UNC13C: variants seen among roughly 807,000 people sequenced by gnomAD.
UNC13C encodes protein unc-13 homolog C.
A neutral mutation model predicts 245.4 loss-of-function variants in UNC13C; 174 were observed. That is an observed-to-expected ratio of 0.71 (90% CI 0.63 to 0.80). The LOEUF (loss-of-function observed/expected upper bound fraction) is 0.80, where lower values mean the gene tolerates loss of function less well. Among genes scored for constraint, UNC13C ranks in the 30% least tolerant of loss-of-function variants. The probability of loss-of-function intolerance (pLI) is 0.00; values close to 1 mark genes in which losing one functional copy is unlikely to be tolerated. For synonymous variants in UNC13C, 992 were observed against 895.1 expected, an observed-to-expected ratio of 1.11 and a Z score of -1.93; for missense variants, 2,829 against 2,602.9, an observed-to-expected ratio of 1.09 and a Z score of -1.89.
At chr15:53,946,668 C>A in the UNC13C span, among the ~76,000 whole-genome samples, 1,677 of 124,622 alleles carry the variant, frequency 0.013, 34 homozygotes, top group African/African-American at 0.049. Context: ...TTGCAGTGAG[C>A]TGAGGTTTTT....
chr15:54,474,412 G>A (rs1480491487), intron 19 of UNC13C, among the ~76,000 whole-genome samples: 1 of 151,582 alleles, frequency 6.6e-6, no homozygotes, highest in East Asian at 1.9e-4. Flanking sequence ...GATTTGCATT[G>A]CCTTGATGAT....
At chr15:54,505,781 C>T (rs1263750357) in intron 22 of UNC13C, among the ~76,000 whole-genome samples, 1 of 133,810 alleles carries the variant, frequency 7.5e-6, no homozygotes, top group Non-Finnish European at 1.5e-5. Flanking sequence ...CTCGCTCTGT[C>T]GCCCAGGCTG....
the UNC13C span, among the ~76,000 whole-genome samples, chr15:53,855,992 T>G: frequency 1.3e-5 from 2 of 152,202 alleles, no homozygotes; most frequent in East Asian, 3.9e-4. Flanking sequence ...CATTCAGGAA[T>G]GCAATTTCTT....
intron 19 of UNC13C, among the ~76,000 whole-genome samples, chr15:54,493,083 C>A (rs1224139911): frequency 6.6e-6 from 1 of 152,148 alleles, no homozygotes; most frequent in Non-Finnish European, 1.5e-5. Context: ...ATTCATCAGT[C>A]CCCGAGCGAA....
At chr15:54,483,925 AC>A (rs974577607) in intron 19 of UNC13C, among the ~76,000 whole-genome samples, 5 of 148,610 alleles carry the variant, frequency 3.4e-5, no homozygotes, top group African/African-American at 1.2e-4. Context: ...TATTCACGGA[AC>A]ATACACAAAC....
At chr15:54,251,283 T>G (rs1421912048) in intron 8 of UNC13C, among the ~76,000 whole-genome samples, 1 of 152,184 alleles carries the variant, frequency 6.6e-6, no homozygotes, top group African/African-American at 2.4e-5. Flanking sequence ...CAACAACATA[T>G]GTAACTTACC....
chr15:54,389,760 G>C (rs754683122), intron 17 of UNC13C, among the ~76,000 whole-genome samples: 4 of 150,506 alleles, frequency 2.7e-5, no homozygotes, highest in Admixed American at 6.6e-5. Flanking sequence ...ATGGAATCTC[G>C]ATCTGTTGTC....
chr15:54,059,731 A>T (rs1428656624), intron 2 of UNC13C, among the ~76,000 whole-genome samples: 1 of 152,236 alleles, frequency 6.6e-6, no homozygotes, highest in Non-Finnish European at 1.5e-5. Context: ...GCAAGGCTAC[A>T]GTAATCAAAA....
intron 10 of UNC13C, among the ~76,000 whole-genome samples, chr15:54,275,131 C>G (rs2036798797): frequency 6.6e-6 from 1 of 152,134 alleles, no homozygotes; most frequent in Non-Finnish European, 1.5e-5. Flanking sequence ...GAATAAAAGG[C>G]AGAGATTGTC....
the UNC13C span, among the ~76,000 whole-genome samples, chr15:53,917,514 G>C: frequency 2.6e-5 from 4 of 152,192 alleles, no homozygotes; most frequent in African/African-American, 9.6e-5. Context: ...CTGAACACAG[G>C]CTTGATACTG....
intron 26 of UNC13C, among the ~76,000 whole-genome samples, chr15:54,545,365 T>A (rs1424317021): frequency 6.6e-6 from 1 of 152,100 alleles, no homozygotes; most frequent in African/African-American, 2.4e-5. Context: ...ACCTAGGCAA[T>A]ACCATTTAGG....
At chr15:54,250,150 A>G in intron 7 of UNC13C, 75 bp from the exon 8 acceptor site, 1 of 1,389,132 alleles carries the variant, frequency 7.2e-7, no homozygotes, top group Middle Eastern at 1.8e-4. Flanking sequence ...AAGTGATAAA[A>G]TGGTTTGTTT....
chr15:53,973,517 T>C (rs919027428), upstream of UNC13C, among the ~76,000 whole-genome samples: 1 of 151,892 alleles, frequency 6.6e-6, no homozygotes, highest in Non-Finnish European at 1.5e-5. Context: ...CCAGGCACCC[T>C]GATTTCAGAG....
chr15:54,620,890 T>C (rs1345022270), intron 30 of UNC13C, among the ~76,000 whole-genome samples: 1 of 152,066 alleles, frequency 6.6e-6, no homozygotes, highest in African/African-American at 2.4e-5. Flanking sequence ...GACTTCTTTC[T>C]CCTGGTGGTA....
At chr15:54,573,737 T>G (rs1221455030) in intron 30 of UNC13C, among the ~76,000 whole-genome samples, 1 of 152,024 alleles carries the variant, frequency 6.6e-6, no homozygotes, top group East Asian at 1.9e-4. Context: ...CATCCTGGAG[T>G]GGTGGTCATG....
intron 4 of UNC13C, among the ~76,000 whole-genome samples, chr15:54,229,084 G>A (rs2035477121): frequency 6.6e-6 from 1 of 152,184 alleles, no homozygotes. Context: ...TGTGGGCACT[G>A]GCTGAGTTCT....
At chr15:54,310,262 T>C (rs140080668) in intron 13 of UNC13C, among the ~76,000 whole-genome samples, 3 of 151,980 alleles carry the variant, frequency 2.0e-5, no homozygotes, top group African/African-American at 7.2e-5. Flanking sequence ...TCAATGAATA[T>C]GGTTAGAAGC....
intron 1 of UNC13C, among the ~76,000 whole-genome samples, chr15:54,011,789 T>A (rs1387861449): frequency 6.6e-6 from 1 of 152,206 alleles, no homozygotes; most frequent in Non-Finnish European, 1.5e-5. Context: ...GCTTGGCTCC[T>A]GGCCAGAACA....
At chr15:54,024,786 G>C (rs1241893942) in intron 2 of UNC13C, among the ~76,000 whole-genome samples, 1 of 152,108 alleles carries the variant, frequency 6.6e-6, no homozygotes, top group South Asian at 2.1e-4. Context: ...GTGGTCCCGG[G>C]CGCCTGTAGA....
Sources: gnomAD v4.1 joint callset for allele counts (sites outside exome capture counted in the v4.1 genomes callset) on GRCh38, gnomAD v4.1.1 for gene constraint, MANE v1.5 for transcripts, NCBI Gene and HGNC (gene_info 2026-07-23, HGNC 2026-07-21) for gene names.